Variants in GRIN2A observed in about 807,000 individuals in gnomAD.
GRIN2A encodes the protein glutamate receptor ionotropic, NMDA 2A.
Under a neutral mutation model 113.4 loss-of-function variants are expected in GRIN2A, and 22 were observed. The observed-to-expected ratio is 0.19, with a 90% confidence interval of 0.14 to 0.28. GRIN2A has a LOEUF of 0.28. Ranked by LOEUF, GRIN2A falls within the 10% of genes least tolerant of loss-of-function variation. The pLI is 1.00. For missense variants in GRIN2A, 1,502 were observed against 1,887.0 expected (o/e 0.80, Z 3.78); for synonymous variants, 827 against 738.4 (o/e 1.12, Z -1.94).
chr16:10,054,466 C>G (rs2047411688), intron 2 of GRIN2A, among the ~76,000 whole-genome samples: 1 of 152,162 alleles, frequency 6.6e-6, no homozygotes. Flanking sequence ...CAGGCTCAAT[C>G]CTTTTGCAGA....
intron 3 of GRIN2A, among the ~76,000 whole-genome samples, chr16:9,927,831 T>C (rs1208194915): frequency 6.6e-6 from 1 of 152,236 alleles, no homozygotes; most frequent in Non-Finnish European, 1.5e-5. Context: ...CTCTTATTAA[T>C]AGTGATGGAA....
At chr16:10,136,101 AC>A (rs955332335) in intron 2 of GRIN2A, among the ~76,000 whole-genome samples, 1 of 152,100 alleles carries the variant, frequency 6.6e-6, no homozygotes, top group Non-Finnish European at 1.5e-5. Context: ...CAATCACTCT[AC>A]TTTTCATCAC....
intron 2 of GRIN2A, among the ~76,000 whole-genome samples, chr16:10,165,525 T>C (rs1189991429): frequency 5.5e-5 from 8 of 146,078 alleles, no homozygotes; most frequent in Non-Finnish European, 1.2e-4. Flanking sequence ...TATATATATA[T>C]ATGTATATAT....
intron 11 of GRIN2A, among the ~76,000 whole-genome samples, chr16:9,792,173 T>A (rs1902649503): frequency 6.6e-6 from 1 of 151,888 alleles, no homozygotes; most frequent in Admixed American, 6.6e-5. Context: ...CACTCACTAG[T>A]TTTAAAACTT....
chr16:9,754,360 T>A lies in GRIN2A; in HGVS notation c.*8789A>T. ...AAGGCATCTGAGCCACATCTAACTATGTCACTGCTGTGTCAAGCAGTTTTC... is the reference window on the plus strand; with the variant it reads ...AAGGCATCTGAGCCACATCTAACTAAGTCACTGCTGTGTCAAGCAGTTTTC... On this transcript the variant is annotated 3_prime_UTR_variant, in exon 13 of 13. Transcript: ENST00000330684. 1 of 208,660 alleles carries A rather than the reference T, an allele frequency of 4.8e-6. No homozygotes were observed. The allele number at this position is 208,660 out of a possible 1,614,324, so 12.9% of individuals were successfully genotyped here.
chr16:10,153,663 A>G (rs774691133), intron 2 of GRIN2A, among the ~76,000 whole-genome samples: 3 of 152,216 alleles, frequency 2.0e-5, no homozygotes, highest in Non-Finnish European at 4.4e-5. Context: ...TAAGTTCAGT[A>G]TACTGACTCT....
intron 4 of GRIN2A, among the ~76,000 whole-genome samples, chr16:9,874,737 T>C (rs565754970): frequency 2.0e-5 from 3 of 152,184 alleles, no homozygotes; most frequent in Admixed American, 2.0e-4. Flanking sequence ...AGTTTCTTCA[T>C]ATGTAACTGG....
intron 2 of GRIN2A, among the ~76,000 whole-genome samples, chr16:10,036,679 C>G (rs555391889): frequency 6.6e-6 from 1 of 151,618 alleles, no homozygotes; most frequent in Non-Finnish European, 1.5e-5. Flanking sequence ...ATCTCCTGAC[C>G]TCGTGATCCG....
rs1011313469 is a variant in GRIN2A at position 9,883,790 on chromosome 16, T to C, written c.1122+7196A>G. ...GGCTGGAGGGAGAGATCTGGTTGTATTTCTGTGCAAAATGCACCTGAAACC... is the reference window on the plus strand; with the variant it reads ...GGCTGGAGGGAGAGATCTGGTTGTACTTCTGTGCAAAATGCACCTGAAACC... On this transcript the variant is annotated intron_variant, in intron 4 of 12. Transcript: ENST00000330684. Among the ~76,000 whole-genome samples, 3 of 152,290 alleles carry C rather than the reference T, an allele frequency of 2.0e-5. No homozygotes were observed. The East Asian group carries it at 5.8e-4, about 29-fold the overall frequency.
rs544147791 is a variant in GRIN2A at position 9,849,721 on chromosome 16, G to A, written c.1328+35C>T. On this transcript the variant is annotated intron_variant, in intron 5 of 12. Transcript: ENST00000330684. ...ATGATCCATGCTATTTCAAAGGGTT[G>A]GGCACGTTCAGGTGACAGCATTCCT... 8.7e-6 allele frequency: 13 copies of A among 1,489,292 alleles called. No homozygotes were observed. The South Asian group carries it at 1.1e-4, about 13-fold the overall frequency. The allele number at this position is 1,489,292 out of a possible 1,614,324, so 92.3% of individuals were successfully genotyped here.
chr16:10,002,160 A>G (rs540026047), intron 2 of GRIN2A, among the ~76,000 whole-genome samples: 20 of 152,348 alleles, frequency 1.3e-4, no homozygotes, highest in Middle Eastern at 3.4e-3. Flanking sequence ...AGAGCTTGCA[A>G]ATGGCATAAA....
chr16:9,773,204 T>C (rs1344819926), intron 11 of GRIN2A, among the ~76,000 whole-genome samples: 1 of 152,254 alleles, frequency 6.6e-6, no homozygotes, highest in Admixed American at 6.5e-5. Flanking sequence ...TTTCTTTTCT[T>C]ACATCCCCAG....
intron 2 of GRIN2A, among the ~76,000 whole-genome samples, chr16:10,129,917 G>A (rs943793191): frequency 2.6e-5 from 4 of 152,226 alleles, no homozygotes; most frequent in Non-Finnish European, 2.9e-5. Context: ...ATAAGGAGTT[G>A]CAGTGAAGGT....
At chr16:9,899,412 C>T (rs948068744) in intron 3 of GRIN2A, among the ~76,000 whole-genome samples, 2 of 122,882 alleles carry the variant, frequency 1.6e-5, no homozygotes, top group East Asian at 2.2e-4. Context: ...TGCACTCTAG[C>T]CTGGGCAACA....
At chr16:10,149,455 T>A (rs1488278132) in intron 2 of GRIN2A, among the ~76,000 whole-genome samples, 1 of 152,236 alleles carries the variant, frequency 6.6e-6, no homozygotes, top group Non-Finnish European at 1.5e-5. Context: ...AAATTCTCTG[T>A]ACTAATTTTG....
intron 2 of GRIN2A, among the ~76,000 whole-genome samples, chr16:10,066,365 T>C (rs573831544): frequency 6.6e-6 from 1 of 152,268 alleles, no homozygotes; most frequent in African/African-American, 2.4e-5. Flanking sequence ...CACCAACTTA[T>C]TTATCTCTGT....
intron 2 of GRIN2A, among the ~76,000 whole-genome samples, chr16:10,076,505 C>T (rs867796009): frequency 6.6e-5 from 10 of 152,124 alleles, no homozygotes; most frequent in Middle Eastern, 3.4e-3. Flanking sequence ...TGTCCGTGGC[C>T]CTCCCACGCA....
At chr16:10,022,323 A>G (rs1480735473) in intron 2 of GRIN2A, among the ~76,000 whole-genome samples, 1 of 151,482 alleles carries the variant, frequency 6.6e-6, no homozygotes, top group Non-Finnish European at 1.5e-5. Flanking sequence ...TCACACACAC[A>G]CGCACACACG....
intron 3 of GRIN2A, among the ~76,000 whole-genome samples, chr16:9,898,054 CTTT>C (rs71402414): frequency 1.8e-5 from 2 of 109,716 alleles, no homozygotes; most frequent in Non-Finnish European, 1.8e-5. Flanking sequence ...CCTCCATTTC[CTTT>C]TTTTTTTTTT....
Sources: gnomAD v4.1 joint callset for allele counts (sites outside exome capture counted in the v4.1 genomes callset) on GRCh38, gnomAD v4.1.1 for gene constraint, MANE v1.5 for transcripts, NCBI Gene and HGNC (gene_info 2026-07-23, HGNC 2026-07-21) for gene names.